SPRYD3: variants seen among roughly 807,000 people sequenced by gnomAD.
The protein encoded by SPRYD3 is SPRY domain-containing protein 3.
SPRYD3 carries 17 observed loss-of-function variants against 50.1 expected under a neutral mutation model. The ratio of observed to expected loss-of-function variants is 0.34; its 90% CI spans 0.23 to 0.51. The LOEUF (loss-of-function observed/expected upper bound fraction) is 0.51. Among genes scored for constraint, SPRYD3 ranks in the 20% least tolerant of loss-of-function variants. SPRYD3 has a pLI of 0.97. For synonymous variants in SPRYD3, 198 were observed against 215.5 expected (o/e 0.92, Z 0.71); for missense variants, 401 against 591.2 (o/e 0.68, Z 3.34).
chr12:53,072,069 G>A (rs1345994728), intron 6 of SPRYD3, among the ~76,000 whole-genome samples: 1 of 152,220 alleles, frequency 6.6e-6, no homozygotes, highest in Non-Finnish European at 1.5e-5. Flanking sequence ...GCAGAGAAAG[G>A]ATGCCAGGAA....
chr12:53,069,036 G>A (rs1432033411), intron 6 of SPRYD3, among the ~76,000 whole-genome samples: 2 of 152,120 alleles, frequency 1.3e-5, no homozygotes, highest in African/African-American at 4.8e-5. Context: ...AGTTGGAGTA[G>A]GGGCGTGGAG....
At chr12:53,076,912 G>T (rs1944592735) in intron 2 of SPRYD3, among the ~76,000 whole-genome samples, 1 of 151,644 alleles carries the variant, frequency 6.6e-6, no homozygotes, top group South Asian at 2.1e-4. Context: ...TCACGCCACT[G>T]CACTGTAGCC....
At position 53,065,779 on chromosome 12, in the gene SPRYD3, C is replaced by A; in HGVS notation, c.*53G>T. ...CCTCTGGGAAGTCAGGAACTGGGTG[C>A]CTGGCCCAGCAGAGGGTGAGCAGGG... On this transcript the variant is annotated 3_prime_UTR_variant, in exon 11 of 11. Transcript: ENST00000301463. 1 of 1,574,294 alleles carries A rather than the reference C, an allele frequency of 6.4e-7. No homozygotes were observed. Among genetic ancestry groups the A allele is most frequent in the Non-Finnish European group, 8.7e-7 (1 of 1,155,822 alleles).
chr12:53,079,191 G>C, intron 1 of SPRYD3, 120 bp downstream of exon 1: 1 of 1,075,152 alleles, frequency 9.3e-7, no homozygotes, highest in South Asian at 1.4e-5. Context: ...AAGAAGCCCA[G>C]TGACCAGAGC....
chr12:53,076,055 A>G (rs1003362489), intron 2 of SPRYD3, among the ~76,000 whole-genome samples: 4 of 152,194 alleles, frequency 2.6e-5, no homozygotes, highest in Admixed American at 1.3e-4. Flanking sequence ...CTTCATTTCC[A>G]GGAGGAAAAG....
intron 8 of SPRYD3, 70 bp downstream of exon 8, chr12:53,067,578 G>C: frequency 6.8e-7 from 1 of 1,476,384 alleles, no homozygotes; most frequent in Non-Finnish European, 9.5e-7. Flanking sequence ...GCCAGGAGAG[G>C]GGAAAGTGGA....
At chr12:53,073,127 C>T in intron 6 of SPRYD3, 159 bp downstream of exon 6, 1 of 548,134 alleles carries the variant, frequency 1.8e-6, no homozygotes, top group South Asian at 2.4e-5. Flanking sequence ...GATCTGGACT[C>T]AAGGACTCAT....
At chr12:53,067,109 CAAA>C (rs146264495) in intron 8 of SPRYD3, among the ~76,000 whole-genome samples, 5 of 61,032 alleles carry the variant, frequency 8.2e-5, no homozygotes, top group African/African-American at 2.1e-4. Context: ...GACTCCATCT[CAAA>C]AAAAAAAAAA....
intron 6 of SPRYD3, 26 bp downstream of exon 6, chr12:53,073,260 C>CGGGGGGGGGGGGGGGGGGGGGGGGGGGGG: frequency 2.4e-6 from 1 of 416,308 alleles, no homozygotes; most frequent in Non-Finnish European, 4.4e-6. Flanking sequence ...GACCCAGCCC[C>CGGGGGGGGGGGGGGGGGGGGGGGGGGGGG]TCCCACCCTC....
chr12:53,072,177 GAGGGGAAAA>G (rs1181603837), intron 6 of SPRYD3, among the ~76,000 whole-genome samples: 2 of 152,058 alleles, frequency 1.3e-5, no homozygotes, highest in Admixed American at 6.5e-5. Context: ...ATGGTAGATT[GAGGGGAAAA>G]AGGAAAGACA....
At chr12:53,079,266 G>T (rs1337066859) in intron 1 of SPRYD3, 45 bp downstream of exon 1, 71 of 1,583,784 alleles carry the variant, frequency 4.5e-5, no homozygotes. Context: ...TCAGGCTCCG[G>T]GGAGATACGA....
chr12:53,067,512 T>C, intron 8 of SPRYD3, 136 bp downstream of exon 8: 1 of 753,050 alleles, frequency 1.3e-6, no homozygotes, highest in Non-Finnish European at 2.3e-6. Flanking sequence ...GCACTAGCGA[T>C]TTGGGAAGGG....
chr12:53,065,179 T>C lies in SPRYD3; in HGVS notation c.*653A>G, dbSNP rs1047350581. On this transcript the variant is annotated 3_prime_UTR_variant, in exon 11 of 11. Coordinates refer to ENST00000301463, the MANE Select transcript of SPRYD3 (RefSeq NM_032840.3). ...TAAACATGCAACAGGCACCCACCCA[T>C]GTGGGTCCAGGTATGGGGAGCCAGA... 2 of 152,422 alleles carry C rather than the reference T, an allele frequency of 1.3e-5. No individual in the cohort carries two copies. Among genetic ancestry groups the C allele is most frequent in the African/African-American group, 4.8e-5 (2 of 41,452 alleles). 9.4% of individuals were successfully genotyped at this position (152,422 alleles called of 1,614,324 possible). A position where few individuals can be genotyped will look rare whatever the true frequency, so the allele number is the denominator to read the frequency against.
rs762193895 is a variant in SPRYD3 at position 53,065,818 on chromosome 12, C to G, written c.*14G>C. ...GGGTGAGCAGGGAGAAGGAGCAGGT[C>G]TGGAGGGGAGGCCCTAGCCACTCAA... On this transcript the variant is annotated 3_prime_UTR_variant, in exon 11 of 11. Transcript: ENST00000301463. The G allele has an allele frequency of 3.6e-5, 58 of 1,608,738 alleles. No individual in the cohort carries two copies. Among genetic ancestry groups the G allele is most frequent in the Non-Finnish European group, 4.6e-5 (54 of 1,177,414 alleles).
At chr12:53,065,990 A>G (rs1185526848) in intron 10 of SPRYD3, 24 bp from the exon 11 acceptor site, 2 of 1,607,206 alleles carry the variant, frequency 1.2e-6, no homozygotes, top group Non-Finnish European at 1.7e-6. Flanking sequence ...GGGGAGAAGA[A>G]TGGAGCAAGC....
chr12:53,075,823 A>G lies in SPRYD3; in HGVS notation c.171-12T>C, dbSNP rs753910686. ...AGTTTCCATGATAACTGAAGGAGGAATGAGGGGGGAATTCCATTAGCAGCC... is the reference window on the plus strand; with the variant it reads ...AGTTTCCATGATAACTGAAGGAGGAGTGAGGGGGGAATTCCATTAGCAGCC... On this transcript the variant is annotated splice_polypyrimidine_tract_variant and intron_variant, in intron 2 of 10. Transcript: ENST00000301463. 3 of 1,611,046 alleles carry G rather than the reference A, an allele frequency of 1.9e-6. No individual in the cohort carries two copies. In the South Asian group the frequency reaches 3.3e-5, roughly 18 times the overall value.
intron 5 of SPRYD3, among the ~76,000 whole-genome samples, chr12:53,073,702 G>A (rs1247456940): frequency 6.6e-6 from 1 of 151,990 alleles, no homozygotes; most frequent in Non-Finnish European, 1.5e-5. Flanking sequence ...AAATTAGCCG[G>A]GCGTGGTGGC....
intron 6 of SPRYD3, among the ~76,000 whole-genome samples, chr12:53,070,223 G>A (rs1326956655): frequency 2.0e-5 from 3 of 152,156 alleles, no homozygotes; most frequent in Non-Finnish European, 4.4e-5. Flanking sequence ...CCTCTTCAGA[G>A]GGGACCGCCC....
chr12:53,073,897 A>AT (rs1944569498), intron 5 of SPRYD3, among the ~76,000 whole-genome samples: 1 of 151,562 alleles, frequency 6.6e-6, no homozygotes, highest in East Asian at 1.9e-4. Flanking sequence ...ACACTGACAG[A>AT]TTAAAAAAAA....
Sources: gnomAD v4.1 joint callset for allele counts (sites outside exome capture counted in the v4.1 genomes callset) on GRCh38, gnomAD v4.1.1 for gene constraint, MANE v1.5 for transcripts, NCBI Gene and HGNC (gene_info 2026-07-23, HGNC 2026-07-21) for gene names.